Variants in SPOCK3 observed in about 807,000 individuals in gnomAD.
The protein encoded by SPOCK3 is testican-3.
SPOCK3 carries 30 observed loss-of-function variants against 56.6 expected under a neutral mutation model. The observed-to-expected ratio is 0.53, with a 90% CI of 0.40 to 0.72. The LOEUF (loss-of-function observed/expected upper bound fraction) is 0.72. Ranked by LOEUF, SPOCK3 falls within the 30% of genes least tolerant of loss-of-function variation. SPOCK3 has a pLI of 0.00. For synonymous variants in SPOCK3, 196 were observed against 183.3 expected (o/e 1.07, Z -0.56); for missense variants, 527 against 530.0 (o/e 0.99, Z 0.06).
rs77747971 is a variant in SPOCK3 at position 167,104,755 on chromosome 4, C to T, written c.190-42218G>A. ...TAAAAGAAGGTTATAGAACACCAAG[C>T]GGATTGAACCCAAAGATTATCTCAA... is the stretch of plus-strand genomic sequence containing the variant. On this transcript the variant is annotated intron_variant, in intron 2 of 10. Coordinates refer to ENST00000357545, the MANE Select transcript of SPOCK3 (RefSeq NM_001040159.2). 6.0e-3 allele frequency among the ~76,000 whole-genome samples: 914 copies of T among 151,300 alleles called. 12 individuals are homozygous for T. Among genetic ancestry groups the T allele is most frequent in the African/African-American group, 0.021 (860 of 41,250 alleles).
At chr4:166,890,343 C>A (rs537144810) in intron 5 of SPOCK3, among the ~76,000 whole-genome samples, 1 of 151,988 alleles carries the variant, frequency 6.6e-6, no homozygotes. Flanking sequence ...CTCTCAGCCT[C>A]AATTTTCCCA....
At chr4:167,075,057 G>A (rs1028984141) in intron 2 of SPOCK3, among the ~76,000 whole-genome samples, 1 of 151,736 alleles carries the variant, frequency 6.6e-6, no homozygotes, top group Non-Finnish European at 1.5e-5. Context: ...GTTAACTAAA[G>A]TCGCCCTACT....
chr4:166,922,100 AG>A (rs751778355), intron 4 of SPOCK3, among the ~76,000 whole-genome samples: 26 of 152,132 alleles, frequency 1.7e-4, no homozygotes, highest in Non-Finnish European at 3.4e-4. Flanking sequence ...CGAGGGGTCT[AG>A]GTGTTGCCCT....
At chr4:166,906,754 AT>A (rs997802735) in intron 5 of SPOCK3, among the ~76,000 whole-genome samples, 87 of 151,848 alleles carry the variant, frequency 5.7e-4, no homozygotes, top group African/African-American at 1.9e-3. Context: ...TTATTTTTTA[AT>A]TTTTTTTAGT....
chr4:166,869,606 C>CTG (rs34623275), intron 6 of SPOCK3, among the ~76,000 whole-genome samples: 41,737 of 141,610 alleles, frequency 0.29, 5,912 homozygotes, highest in South Asian at 0.42. Flanking sequence ...CAATAGAATT[C>CTG]TGTGTGTGTG....
chr4:166,931,728 T>C (rs1739808857), intron 4 of SPOCK3, among the ~76,000 whole-genome samples: 1 of 152,230 alleles, frequency 6.6e-6, no homozygotes, highest in African/African-American at 2.4e-5. Context: ...TTCCCAAGTA[T>C]TGATCACTTG....
intron 6 of SPOCK3, among the ~76,000 whole-genome samples, chr4:166,808,218 T>C (rs1366031854): frequency 2.0e-5 from 3 of 152,134 alleles, no homozygotes; most frequent in Non-Finnish European, 2.9e-5. Flanking sequence ...CTTGTTTTTT[T>C]CAAAAAGGTC....
intron 2 of SPOCK3, among the ~76,000 whole-genome samples, chr4:167,128,566 C>G (rs74287168): frequency 6.6e-6 from 1 of 152,164 alleles, no homozygotes; most frequent in African/African-American, 2.4e-5. Flanking sequence ...CAGTGTTCAA[C>G]CATTTGGCTT....
At chr4:167,137,519 T>G (rs1198830153) in intron 2 of SPOCK3, among the ~76,000 whole-genome samples, 1 of 152,028 alleles carries the variant, frequency 6.6e-6, no homozygotes, top group Non-Finnish European at 1.5e-5. Context: ...GGACAAAATT[T>G]GATTTTTCCA....
intron 2 of SPOCK3, among the ~76,000 whole-genome samples, chr4:167,221,083 G>A (rs1735863193): frequency 2.0e-5 from 3 of 152,192 alleles, no homozygotes; most frequent in African/African-American, 7.2e-5. Flanking sequence ...AACCAAGCCA[G>A]GCACAATGTG....
At chr4:166,787,469 GA>G (rs1470133739) in intron 7 of SPOCK3, among the ~76,000 whole-genome samples, 54 of 152,064 alleles carry the variant, frequency 3.6e-4, no homozygotes, top group African/African-American at 1.2e-3. Flanking sequence ...TTAATTTTCT[GA>G]TTTTAATTAC....
At chr4:167,107,670 T>C (rs1760283585) in intron 2 of SPOCK3, among the ~76,000 whole-genome samples, 2 of 151,852 alleles carry the variant, frequency 1.3e-5, no homozygotes. Context: ...AAATTCCTTG[T>C]TTGCTGATGA....
chr4:166,988,831 A>G (rs1181648166), intron 4 of SPOCK3, among the ~76,000 whole-genome samples: 1 of 152,134 alleles, frequency 6.6e-6, no homozygotes, highest in African/African-American at 2.4e-5. Flanking sequence ...TAAAATACCT[A>G]CAAATTTCTT....
intron 6 of SPOCK3, among the ~76,000 whole-genome samples, chr4:166,809,733 A>G (rs2126719922): frequency 6.6e-6 from 1 of 152,184 alleles, no homozygotes; most frequent in East Asian, 1.9e-4. Context: ...GCAGCCCCTG[A>G]TAGCTGGAGA....
chr4:167,177,293 CT>C (rs1279246589), intron 2 of SPOCK3, among the ~76,000 whole-genome samples: 18 of 149,570 alleles, frequency 1.2e-4, no homozygotes, highest in Middle Eastern at 3.4e-3. Flanking sequence ...ACTAACAGCA[CT>C]TTTTTTTTTC....
chr4:166,805,318 G>T (rs565162481), intron 6 of SPOCK3, among the ~76,000 whole-genome samples: 1 of 151,978 alleles, frequency 6.6e-6, no homozygotes. Flanking sequence ...TGTAGGTCTG[G>T]CAAATTGTAA....
At chr4:166,765,275 G>C (rs7441050) in intron 7 of SPOCK3, among the ~76,000 whole-genome samples, 69,757 of 151,938 alleles carry the variant, frequency 0.46, 16,519 homozygotes, top group African/African-American at 0.51. Flanking sequence ...CCTATGTCCT[G>C]AATGGTATTG....
At chr4:167,152,162 G>A (rs1394794994) in intron 2 of SPOCK3, among the ~76,000 whole-genome samples, 6 of 152,198 alleles carry the variant, frequency 3.9e-5, no homozygotes, top group East Asian at 1.9e-4. Flanking sequence ...AAATAACACC[G>A]TGCGTCCTAA....
chr4:166,942,183 C>T (rs919063846), intron 4 of SPOCK3, among the ~76,000 whole-genome samples: 6 of 151,904 alleles, frequency 3.9e-5, no homozygotes, highest in South Asian at 2.1e-4. Context: ...ATAGGTCACT[C>T]GGTGTTTCCA....
Sources: allele counts gnomAD v4.1 joint callset (sites outside exome capture counted in the v4.1 genomes callset), GRCh38; gene constraint gnomAD v4.1.1; transcripts MANE v1.5; gene names NCBI Gene and HGNC (gene_info 2026-07-23, HGNC 2026-07-21).